The following RARB variants were observed in gnomAD, a reference collection of about 807,000 sequenced individuals.
RARB encodes the protein retinoic acid receptor beta.
In RARB, 17 loss-of-function variants were observed where a neutral mutation model predicts 51.9. The observed-to-expected ratio is 0.33, with a 90% CI of 0.22 to 0.49. RARB has a LOEUF of 0.49. Among genes scored for constraint, RARB ranks in the 20% least tolerant of loss-of-function variants. RARB has a pLI of 0.99. For missense variants in RARB, 369 were observed against 550.8 expected (o/e 0.67, Z 3.30); for synonymous variants, 215 against 195.4 (o/e 1.10, Z -0.84).
chr3:25,319,963 A>G (rs1189540788), intron 5 of RARB, among the ~76,000 whole-genome samples: 1 of 152,212 alleles, frequency 6.6e-6, no homozygotes, highest in Non-Finnish European at 1.5e-5. Context: ...AGCTTGCCGT[A>G]AATCAGTCTT....
intron 2 of RARB, among the ~76,000 whole-genome samples, chr3:24,877,237 C>A (rs1703063673): frequency 6.6e-6 from 1 of 151,354 alleles, no homozygotes; most frequent in African/African-American, 2.4e-5. Flanking sequence ...TCTGTTTAAA[C>A]ACAGTTCTGA....
chr3:25,280,205 A>C (rs1703487403), intron 5 of RARB, among the ~76,000 whole-genome samples: 1 of 152,180 alleles, frequency 6.6e-6, no homozygotes, highest in African/African-American at 2.4e-5. Context: ...GTATAATCTA[A>C]TGCTAATAAA....
chr3:24,899,664 G>A (rs1423765146), intron 2 of RARB, among the ~76,000 whole-genome samples: 2 of 151,294 alleles, frequency 1.3e-5, no homozygotes, highest in African/African-American at 2.4e-5. Flanking sequence ...GTTGTTTTGA[G>A]GAGAAAAAAA....
intron 3 of RARB, among the ~76,000 whole-genome samples, chr3:25,562,536 C>T (rs868383300): frequency 2.6e-5 from 4 of 152,232 alleles, no homozygotes; most frequent in Middle Eastern, 3.4e-3. Flanking sequence ...GAAGCACCGC[C>T]GGGTATGAAG....
At position 25,596,720 on chromosome 3, in the gene RARB, A is replaced by G. The variant is rs574334526; in HGVS notation, c.*104A>G. ...GCTGCTTAGTTTTTGGACTGAAAAG[A>G]TATTAAAACTCAAGAAGGACCAAGA... On this transcript the variant is annotated 3_prime_UTR_variant, in exon 8 of 8. Transcript: ENST00000330688. The G allele has an allele frequency of 1.9e-6, 2 of 1,053,990 alleles. No individual in the cohort carries two copies. The highest frequency in any genetic ancestry group is 2.8e-5 in the Admixed American group (1 of 35,556). The allele number at this position is 1,053,990 out of a possible 1,614,324, so 65.3% of individuals were successfully genotyped here.
At chr3:25,456,357 G>A (rs186172266) in intron 1 of RARB, among the ~76,000 whole-genome samples, 251 of 151,740 alleles carry the variant, frequency 1.7e-3, no homozygotes, top group African/African-American at 5.9e-3. Context: ...GGTGGAGGAA[G>A]GCAAAAAAAG....
intron 2 of RARB, among the ~76,000 whole-genome samples, chr3:25,028,769 T>G (rs1452985004): frequency 6.6e-6 from 1 of 152,168 alleles, no homozygotes; most frequent in Non-Finnish European, 1.5e-5. Flanking sequence ...CCTATAACTT[T>G]GAGGAAGTCT....
chr3:24,994,317 T>TTGTG (rs397777094), intron 2 of RARB, among the ~76,000 whole-genome samples: 1 of 151,776 alleles, frequency 6.6e-6, no homozygotes, highest in Non-Finnish European at 1.5e-5. Context: ...TGAGAAATGT[T>TTGTG]CGGATTACGT....
intron 2 of RARB, among the ~76,000 whole-genome samples, chr3:24,880,051 C>A (rs1259309499): frequency 6.6e-6 from 1 of 152,030 alleles, no homozygotes; most frequent in Non-Finnish European, 1.5e-5. Context: ...GCTCTACGTT[C>A]CTGGTTTTTG....
At chr3:25,085,974 TCTC>T (rs886860159) in intron 3 of RARB, among the ~76,000 whole-genome samples, 2 of 152,154 alleles carry the variant, frequency 1.3e-5, no homozygotes, top group East Asian at 1.9e-4. Context: ...TGGAAGAAGT[TCTC>T]CTCCACGTAA....
chr3:25,551,105 A>C (rs887417546), intron 3 of RARB, among the ~76,000 whole-genome samples: 6 of 152,148 alleles, frequency 3.9e-5, no homozygotes, highest in African/African-American at 1.4e-4. Flanking sequence ...TGAAGGCTTG[A>C]AGGGCAGGGT....
intron 5 of RARB, among the ~76,000 whole-genome samples, chr3:25,180,546 T>TC (rs1312632760): frequency 6.6e-6 from 1 of 152,182 alleles, no homozygotes; most frequent in African/African-American, 2.4e-5. Flanking sequence ...GAGATTAGCC[T>TC]CCATGCAGGT....
chr3:25,547,964 G>A lies in RARB; in HGVS notation c.449-21794G>A, dbSNP rs575684720. On this transcript the variant is annotated intron_variant, in intron 3 of 7. Coordinates refer to ENST00000330688, the MANE Select transcript of RARB (RefSeq NM_000965.5). ...CTCATTTCTGTTGGAAGTAAGTAAA[G>A]AGACACATTGTGATCTTAGTAGCAT... is the stretch of plus-strand genomic sequence containing the variant. Among the ~76,000 whole-genome samples the A allele has an allele frequency of 1.4e-4, 21 of 152,242 alleles. No homozygotes were observed. In the South Asian group the frequency reaches 2.1e-3, roughly 15 times the overall value.
chr3:24,907,870 T>C (rs548303542), intron 2 of RARB, among the ~76,000 whole-genome samples: 53 of 152,198 alleles, frequency 3.5e-4, no homozygotes, highest in African/African-American at 1.2e-3. Flanking sequence ...GTAAGCAATA[T>C]TAACCACAAC....
intron 2 of RARB, among the ~76,000 whole-genome samples, chr3:24,985,424 T>G (rs1331073907): frequency 6.6e-6 from 1 of 151,916 alleles, no homozygotes; most frequent in Non-Finnish European, 1.5e-5. Flanking sequence ...CAGAATTCTG[T>G]GACTTTTCTG....
intron 2 of RARB, among the ~76,000 whole-genome samples, chr3:24,911,283 A>G (rs1694984726): frequency 6.6e-6 from 1 of 152,188 alleles, no homozygotes; most frequent in Non-Finnish European, 1.5e-5. Flanking sequence ...CCAACAAGTG[A>G]CATTGACAGG....
chr3:25,587,726 T>C (rs1305587581), intron 5 of RARB, among the ~76,000 whole-genome samples: 1 of 152,220 alleles, frequency 6.6e-6, no homozygotes, highest in African/African-American at 2.4e-5. Flanking sequence ...GTTATTAGTA[T>C]CACCACTTAA....
At chr3:25,160,479 A>C (rs1464594567) in intron 4 of RARB, among the ~76,000 whole-genome samples, 1 of 152,106 alleles carries the variant, frequency 6.6e-6, no homozygotes, top group African/African-American at 2.4e-5. Flanking sequence ...AGCATCTTCA[A>C]GTTTCTCTCA....
At chr3:25,523,738 T>G (rs1307538792) in intron 3 of RARB, among the ~76,000 whole-genome samples, 2 of 152,202 alleles carry the variant, frequency 1.3e-5, no homozygotes, top group East Asian at 3.8e-4. Context: ...TCTTCTTATT[T>G]TCCTATTTGA....
Sources: gnomAD v4.1 joint callset for allele counts (sites outside exome capture counted in the v4.1 genomes callset) on GRCh38, gnomAD v4.1.1 for gene constraint, MANE v1.5 for transcripts, NCBI Gene and HGNC (gene_info 2026-07-23, HGNC 2026-07-21) for gene names.